Variants in GABRA5 observed in about 807,000 individuals in gnomAD.
The protein encoded by GABRA5 is gamma-aminobutyric acid type A receptor subunit alpha5, also known as gamma-aminobutyric acid receptor subunit alpha-5.
A neutral mutation model predicts 47.3 loss-of-function variants in GABRA5; 18 were observed. That is an observed-to-expected ratio of 0.38 (90% confidence interval 0.26 to 0.56). GABRA5 has a LOEUF of 0.56. Among genes scored for constraint, GABRA5 ranks in the 20% least tolerant of loss-of-function variants. GABRA5 has a pLI of 0.71. For synonymous variants in GABRA5, 237 were observed against 229.3 expected, an observed-to-expected ratio of 1.03 and a Z score of -0.30; for missense variants, 365 against 599.3, an observed-to-expected ratio of 0.61 and a Z score of 4.08.
At position 26,883,129 on chromosome 15, in the gene GABRA5, G is replaced by A. The variant is rs772031868; in HGVS notation, c.209-37G>A. 1.9e-6 allele frequency: 3 copies of A among 1,570,824 alleles called. No individual in the cohort carries two copies. Among genetic ancestry groups the A allele is most frequent in the African/African-American group, 2.7e-5 (2 of 74,042 alleles). ...GAGAGTGTGCCAGACGCGCAGGGTG[G>A]GTCGGTGCAGCCCAGGGACCTGTGT... On this transcript the variant is annotated intron_variant, in intron 4 of 10. Coordinates refer to ENST00000335625, the MANE Select transcript of GABRA5 (RefSeq NM_000810.4). The surrounding 1 kb of genome is among the most constrained non-coding windows in gnomAD (Gnocchi z 4.8).
At chr15:26,919,903 T>C (rs1287320043) in intron 7 of GABRA5, among the ~76,000 whole-genome samples, 2 of 152,174 alleles carry the variant, frequency 1.3e-5, no homozygotes, top group Non-Finnish European at 2.9e-5. Flanking sequence ...TACTTTTTTT[T>C]CAGCACTTTG....
chr15:26,930,011 T>TG (rs1894058418), intron 7 of GABRA5, among the ~76,000 whole-genome samples: 2 of 148,996 alleles, frequency 1.3e-5, no homozygotes, highest in African/African-American at 5.0e-5. Context: ...TTCTTCTTTT[T>TG]TTTTTTTTTT....
At chr15:26,899,101 A>T (rs1893267194) in intron 6 of GABRA5, among the ~76,000 whole-genome samples, 1 of 152,118 alleles carries the variant, frequency 6.6e-6, no homozygotes, top group Admixed American at 6.5e-5. Context: ...GGTTTCAAGC[A>T]ATTCTCCTGC....
At chr15:26,885,294 G>A (rs950956840) in intron 6 of GABRA5, among the ~76,000 whole-genome samples, 4 of 117,588 alleles carry the variant, frequency 3.4e-5, no homozygotes, top group South Asian at 4.9e-4. Flanking sequence ...GCAAGACTCC[G>A]TTTCAAAAAA....
chr15:26,874,431 T>C (rs531980472), intron 3 of GABRA5, among the ~76,000 whole-genome samples: 2 of 152,144 alleles, frequency 1.3e-5, no homozygotes, highest in African/African-American at 4.8e-5. Context: ...CTGAAAGTGA[T>C]AAAAGCAAGG....
rs532932968 is a variant in GABRA5 at position 26,942,846 on chromosome 15, G to A, written c.878-369G>A. ...GATTAAAATCACCAGTCCCTTGGGA[G>A]GCCGAGGTGGGTGGATCGCATGAGG... On this transcript the variant is annotated intron_variant, in intron 9 of 10. Coordinates refer to ENST00000335625, the MANE Select transcript of GABRA5 (RefSeq NM_000810.4). 7.2e-5 allele frequency among the ~76,000 whole-genome samples: 11 copies of A among 152,304 alleles called. No individual in the cohort carries two copies. In the South Asian group the frequency reaches 1.2e-3, roughly 17 times the overall value.
At chr15:26,886,462 A>G (rs1305886240) in intron 6 of GABRA5, among the ~76,000 whole-genome samples, 2 of 152,216 alleles carry the variant, frequency 1.3e-5, no homozygotes, top group African/African-American at 4.8e-5. Flanking sequence ...TCTGTATAGC[A>G]GGCAACTTCA....
rs144093748 is a variant in GABRA5 at position 26,930,349 on chromosome 15, C to T, written c.581-6836C>T. Among the ~76,000 whole-genome samples the T allele has an allele frequency of 3.7e-3, 558 of 152,216 alleles. 1 individual carries two copies. Among genetic ancestry groups the T allele is most frequent in the African/African-American group, 0.013 (538 of 41,524 alleles). ...AACAATTCCATCTTTAAGTCATTTC[C>T]CTCTCCTCCCATTTTACAATAAGCT... On this transcript the variant is annotated intron_variant, in intron 7 of 10. Coordinates refer to ENST00000335625, the MANE Select transcript of GABRA5 (RefSeq NM_000810.4).
chr15:26,868,074 C>G (rs1286478029), intron 1 of GABRA5: 2 of 151,960 alleles, frequency 1.3e-5, no homozygotes, highest in Non-Finnish European at 2.9e-5. Context: ...GCCCCCGCGC[C>G]CACCTGCCCT....
chr15:26,870,760 A>G (rs965773421), intron 3 of GABRA5, among the ~76,000 whole-genome samples: 2 of 152,264 alleles, frequency 1.3e-5, no homozygotes, highest in Non-Finnish European at 2.9e-5. Context: ...ATGTCTGTAC[A>G]TAAGTGAAAT....
At chr15:26,874,333 C>A (rs1892542200) in intron 3 of GABRA5, among the ~76,000 whole-genome samples, 1 of 148,946 alleles carries the variant, frequency 6.7e-6, no homozygotes, top group Non-Finnish European at 1.5e-5. Flanking sequence ...TTTTTAAATG[C>A]ACTGTTTAAT....
At chr15:26,879,832 A>T (rs926041111) in intron 3 of GABRA5, among the ~76,000 whole-genome samples, 1 of 152,202 alleles carries the variant, frequency 6.6e-6, no homozygotes, top group East Asian at 1.9e-4. Context: ...TCAGGGAAGT[A>T]CCAGGAATCA....
rs566480895 is a variant in GABRA5, at chr15:26,880,974, G to A, written c.208+7G>A. ...CTTCGGCCCGGGCTGGGAGGTGAGT[G>A]TGCTCTCCTCAGCTGAGCCCAGCAA... On this transcript the variant is annotated splice_region_variant and intron_variant, in intron 4 of 10. Transcript: ENST00000335625. 2.5e-6 allele frequency: 4 copies of A among 1,613,566 alleles called. No individual in the cohort carries two copies. Among genetic ancestry groups the A allele is most frequent in the South Asian group, 2.2e-5 (2 of 91,024 alleles).
At chr15:26,928,180 G>A (rs567831902) in intron 7 of GABRA5, among the ~76,000 whole-genome samples, 1 of 152,306 alleles carries the variant, frequency 6.6e-6, no homozygotes, top group South Asian at 2.1e-4. Flanking sequence ...TAGTCATCCA[G>A]TAGAGAGAAT....
In GABRA5 at chr15:26,881,218, C is replaced by T. The variant is rs140715597; in HGVS notation, c.208+251C>T. Among the ~76,000 whole-genome samples the T allele has an allele frequency of 3.0e-4, 45 of 152,304 alleles. No individual in the cohort carries two copies. In the East Asian group the frequency reaches 7.9e-3, roughly 27 times the overall value. ...GGTGGAAGAAGCTGGGGGAAGTGGT[C>T]TTCCCAAACATCTTTGCAAAATCCC... On this transcript the variant is annotated intron_variant, in intron 4 of 10. Transcript: ENST00000335625.
At chr15:26,934,321 G>A (rs1383739959) in intron 7 of GABRA5, among the ~76,000 whole-genome samples, 1 of 151,418 alleles carries the variant, frequency 6.6e-6, no homozygotes, top group African/African-American at 2.4e-5. Context: ...AGAGATATGG[G>A]TTTAGATAAC....
At chr15:26,899,627 G>T (rs12908764) in intron 6 of GABRA5, among the ~76,000 whole-genome samples, 77,939 of 151,926 alleles carry the variant, frequency 0.51, 20,133 homozygotes, top group Middle Eastern at 0.56. Context: ...GTTTCATATA[G>T]GTTTATAATT....
In GABRA5 at chr15:26,899,411, T is replaced by C. The variant is rs189493640; in HGVS notation, c.498-15392T>C. Among the ~76,000 whole-genome samples the C allele has an allele frequency of 1.5e-3, 226 of 152,344 alleles. 1 individual carries two copies. Among genetic ancestry groups the C allele is most frequent in the Non-Finnish European group, 2.2e-4 (15 of 68,034 alleles). On this transcript the variant is annotated intron_variant, in intron 6 of 10. Coordinates refer to ENST00000335625, the MANE Select transcript of GABRA5 (RefSeq NM_000810.4). ...GTGCGCTTGAGAAGAATGTGTATTC[T>C]GCTTTTGTTGGATAGAGTGTTCTAT...
chr15:26,879,095 G>C (rs1374171675), intron 3 of GABRA5, among the ~76,000 whole-genome samples: 1 of 152,240 alleles, frequency 6.6e-6, no homozygotes, highest in African/African-American at 2.4e-5. Flanking sequence ...GAATGGAGTA[G>C]CTTAGAAAAC....
Sources: gnomAD v4.1 joint callset for allele counts (sites outside exome capture counted in the v4.1 genomes callset) on GRCh38, gnomAD v4.1.1 for gene constraint, Gnocchi (gnomAD v3.1) non-coding constraint, MANE v1.5 for transcripts, NCBI Gene and HGNC (gene_info 2026-07-23, HGNC 2026-07-21) for gene names.